Variants in RSAD2 observed in about 807,000 individuals in gnomAD.
The protein encoded by RSAD2 is radical S-adenosyl methionine domain containing 2.
Under a neutral mutation model 37.7 loss-of-function variants are expected in RSAD2, and 38 were observed. That is an observed-to-expected ratio of 1.01 (90% confidence interval 0.78 to 1.32). The LOEUF is 1.32. RSAD2 is among the 40% of genes most tolerant of loss of function. The pLI is 0.00. For missense variants in RSAD2, 428 were observed against 437.5 expected, an observed-to-expected ratio of 0.98 and a Z score of 0.19; for synonymous variants, 163 against 157.4, an observed-to-expected ratio of 1.04 and a Z score of -0.27.
chr2:6,882,711 C>T lies in RSAD2; in HGVS notation c.347-660C>T, dbSNP rs890364296. ...TCCTAGGACACCCGGTCTTGAAATT[C>T]CAAAACATTAGGAAGAAAGGTTCTG... On this transcript the variant is annotated intron_variant, in intron 1 of 5. Transcript: ENST00000382040. Among the ~76,000 whole-genome samples the T allele has an allele frequency of 4.6e-5, 7 of 152,186 alleles. No homozygotes were observed. The South Asian group carries it at 1.5e-3, about 32-fold the overall frequency.
At chr2:6,885,882 T>G (rs1002370770) in intron 2 of RSAD2, among the ~76,000 whole-genome samples, 8 of 152,204 alleles carry the variant, frequency 5.3e-5, no homozygotes, top group African/African-American at 1.9e-4. Flanking sequence ...TTTTAGAACG[T>G]TTTGAGTTGT....
chr2:6,873,500 G>T (rs886624537), upstream of RSAD2, among the ~76,000 whole-genome samples: 1 of 152,114 alleles, frequency 6.6e-6, no homozygotes, highest in African/African-American at 2.4e-5. Flanking sequence ...TAGGTAACTG[G>T]CCTAGTAAAC....
chr2:6,865,936 A>G, exon 1 of RSAD2: 1 of 1,359,114 alleles, frequency 7.4e-7, no homozygotes, highest in South Asian at 1.4e-5. Context: ...GCTCGGGAGC[A>G]GACGCTTGGC....
At chr2:6,867,294 T>A (rs1663115857) in intron 1 of RSAD2, among the ~76,000 whole-genome samples, 1 of 152,202 alleles carries the variant, frequency 6.6e-6, no homozygotes, top group African/African-American at 2.4e-5. Flanking sequence ...CAGCAGGGTT[T>A]GCTTTTTCTG....
rs528121806 is a variant in RSAD2 at position 6,890,908 on chromosome 2, C to T, written c.888+583C>T. Among the ~76,000 whole-genome samples the T allele has an allele frequency of 3.2e-4, 49 of 151,226 alleles. 1 individual carries two copies. Among genetic ancestry groups the T allele is most frequent in the Middle Eastern group, 3.4e-3 (1 of 292 alleles). ...TGGAGCTTCAGGTATAACTAGAAGC[C>T]GGGTATCTAAAAATGTGTTCTCAGA... On this transcript the variant is annotated intron_variant, in intron 4 of 5. Coordinates refer to ENST00000382040, the MANE Select transcript of RSAD2 (RefSeq NM_080657.5).
chr2:6,870,668 G>T (rs1198485924), intron 1 of RSAD2, among the ~76,000 whole-genome samples: 2 of 152,164 alleles, frequency 1.3e-5, no homozygotes, highest in African/African-American at 4.8e-5. Context: ...CCAAGTTTAG[G>T]AGGAAGCCTT....
At chr2:6,886,910 T>C (rs781514776) in intron 2 of RSAD2, 25 bp from the exon 3 acceptor site, 10 of 1,588,162 alleles carry the variant, frequency 6.3e-6, no homozygotes, top group Non-Finnish European at 7.8e-6. Context: ...GATAGAAAAG[T>C]TTAAACATGA....
upstream of RSAD2, among the ~76,000 whole-genome samples, chr2:6,874,021 C>T (rs1387573175): frequency 1.3e-5 from 2 of 152,154 alleles, no homozygotes; most frequent in Non-Finnish European, 2.9e-5. Flanking sequence ...GTGATTGGAT[C>T]ACGGGAGCAG....
chr2:6,876,005 A>G (rs893474645), upstream of RSAD2, among the ~76,000 whole-genome samples: 1 of 151,768 alleles, frequency 6.6e-6, no homozygotes, highest in African/African-American at 2.4e-5. Flanking sequence ...AGGTCCATAG[A>G]CTCCCTTGCT....
chr2:6,892,840 G>T (rs1663659964), intron 4 of RSAD2, among the ~76,000 whole-genome samples: 1 of 152,196 alleles, frequency 6.6e-6, no homozygotes, highest in Non-Finnish European at 1.5e-5. Context: ...GGTCTGGCCT[G>T]CCACCTGTTG....
At chr2:6,892,915 C>G (rs1663661209) in intron 4 of RSAD2, among the ~76,000 whole-genome samples, 1 of 152,182 alleles carries the variant, frequency 6.6e-6, no homozygotes, top group African/African-American at 2.4e-5. Context: ...TATTTGTGCC[C>G]TGTGAACATT....
chr2:6,867,634 C>T (rs572471870), intron 1 of RSAD2, among the ~76,000 whole-genome samples: 5 of 152,234 alleles, frequency 3.3e-5, no homozygotes, highest in Admixed American at 6.5e-5. Flanking sequence ...TTTGTATCCT[C>T]GGACCTTGAC....
chr2:6,877,279 T>G (rs528693773), upstream of RSAD2: 1 of 152,744 alleles, frequency 6.5e-6, no homozygotes, highest in Non-Finnish European at 1.5e-5. Flanking sequence ...GCCTTTTTAC[T>G]GTGATCTGAA....
upstream of RSAD2, among the ~76,000 whole-genome samples, chr2:6,874,910 A>G (rs1663257985): frequency 1.3e-5 from 2 of 152,204 alleles, no homozygotes; most frequent in South Asian, 2.1e-4. Flanking sequence ...AATACTGATT[A>G]TATTACTAGG....
At chr2:6,886,894 T>A in intron 2 of RSAD2, 41 bp from the exon 3 acceptor site, 1 of 1,480,702 alleles carries the variant, frequency 6.8e-7, no homozygotes, top group Non-Finnish European at 9.4e-7. Context: ...AGGGGCTTGG[T>A]CCTTGGATAG....
chr2:6,865,995 G>T (rs935539956), exon 1 of RSAD2: 4 of 736,260 alleles, frequency 5.4e-6, no homozygotes, highest in African/African-American at 1.9e-5. Flanking sequence ...GTCCCCAGGC[G>T]CCGGCTCCCG....
At position 6,897,388 on chromosome 2, in the gene RSAD2, T is replaced by A. The variant is rs139915375; in HGVS notation, c.*1446T>A. The A allele has an allele frequency of 1.5e-3, 229 of 152,320 alleles. 2 individuals are homozygous for A. Among genetic ancestry groups the A allele is most frequent in the African/African-American group, 5.0e-3 (209 of 41,574 alleles). 9.4% of individuals were successfully genotyped at this position (152,320 alleles called of 1,614,324 possible). ...TGTCGCCTGATGTCATTAAGCACCA[T>A]CCAAAAAGTCTGCTTCATAATCTAT... is the stretch of plus-strand genomic sequence containing the variant. On this transcript the variant is annotated 3_prime_UTR_variant, in exon 6 of 6. Coordinates refer to ENST00000382040, the MANE Select transcript of RSAD2 (RefSeq NM_080657.5).
chr2:6,885,099 C>A (rs1185318273), intron 2 of RSAD2, among the ~76,000 whole-genome samples: 1 of 152,072 alleles, frequency 6.6e-6, no homozygotes, highest in Non-Finnish European at 1.5e-5. Context: ...GCTATGCTCA[C>A]GTCTAGGGTT....
chr2:6,890,116 G>C (rs1286555240), intron 3 of RSAD2, 60 bp from the exon 4 acceptor site: 1 of 1,570,694 alleles, frequency 6.4e-7, no homozygotes. Flanking sequence ...GGGGAGTGAG[G>C]TTTGGGGGAA....
Sources: allele counts gnomAD v4.1 joint callset (sites outside exome capture counted in the v4.1 genomes callset), GRCh38; gene constraint gnomAD v4.1.1; transcripts MANE v1.5; gene names NCBI Gene and HGNC (gene_info 2026-07-23, HGNC 2026-07-21).